The following SPATA22 variants were observed in gnomAD, a reference collection of about 807,000 sequenced individuals.
The protein encoded by SPATA22 is spermatogenesis-associated protein 22.
SPATA22 carries 29 observed loss-of-function variants against 47.8 expected under a neutral mutation model. That is an observed-to-expected ratio of 0.61 (90% CI 0.45 to 0.83). The LOEUF (loss-of-function observed/expected upper bound fraction) is 0.83. Ranked by LOEUF, SPATA22 falls within the 40% of genes least tolerant of loss-of-function variation. SPATA22 has a pLI of 0.00. For missense variants in SPATA22, 410 were observed against 421.7 expected (o/e 0.97, Z 0.24); for synonymous variants, 133 against 140.9 (o/e 0.94, Z 0.40).
intron 5 of SPATA22, among the ~76,000 whole-genome samples, chr17:3,456,772 T>C (rs1372541585): frequency 6.6e-6 from 1 of 151,694 alleles, no homozygotes; most frequent in Non-Finnish European, 1.5e-5. Flanking sequence ...CCAATATCCT[T>C]GATGAACATT....
In SPATA22 at chr17:3,490,300, C is replaced by T. The variant is rs1211372543; in HGVS notation, c.-73-20902G>A. 6.6e-6 allele frequency among the ~76,000 whole-genome samples: 1 copy of T among 152,104 alleles called. No individual in the cohort carries two copies. Among genetic ancestry groups the T allele is most frequent in the Non-Finnish European group, 1.5e-5 (1 of 68,030 alleles). ...GTGGACAAGGTGGGTATATGCAGCT[C>T]TATGCACTATCTGCTCATTTATTTG... is the stretch of plus-strand genomic sequence containing the variant. On this transcript the variant is annotated intron_variant, in intron 1 of 8. Coordinates refer to the SPATA22 transcript ENST00000541913. This position sits in a 1 kb window ranked among gnomAD's most constrained non-coding sequence, Gnocchi z 4.6.
intron 5 of SPATA22, among the ~76,000 whole-genome samples, chr17:3,458,798 A>G (rs8075351): frequency 0.03 from 3,995 of 132,906 alleles, 183 homozygotes; most frequent in African/African-American, 0.1. Context: ...CCAAGACCAC[A>G]CCATTGCACT....
At chr17:3,487,163 TC>T (rs1272593073) in intron 1 of SPATA22, among the ~76,000 whole-genome samples, 2 of 152,088 alleles carry the variant, frequency 1.3e-5, no homozygotes, top group Non-Finnish European at 2.9e-5. Flanking sequence ...CATTTCTTCT[TC>T]CTTGAGAACA....
At chr17:3,440,459 G>A in intron 8 of SPATA22, 121 bp from the exon 9 acceptor site, 1 of 768,832 alleles carries the variant, frequency 1.3e-6, no homozygotes, top group Non-Finnish European at 2.0e-6. Context: ...TCCTTCACGT[G>A]AGTCAGGGCC....
At chr17:3,505,932 A>AT (rs1375568610) in intron 1 of SPATA22, among the ~76,000 whole-genome samples, 12 of 151,756 alleles carry the variant, frequency 7.9e-5, no homozygotes, top group African/African-American at 2.9e-4. Context: ...TAATTTTTAT[A>AT]TTTTTAGTAG....
At chr17:3,500,184 GAAAGAAGACAGC>G in intron 1 of SPATA22, 1 of 152,258 alleles carries the variant, frequency 6.6e-6, no homozygotes, top group Non-Finnish European at 1.5e-5. Flanking sequence ...AAGGTTTAAG[GAAAGAAGACAGC>G]TCTAAAACCT....
chr17:3,454,474 A>G (rs1597394883), intron 5 of SPATA22, among the ~76,000 whole-genome samples: 2 of 147,588 alleles, frequency 1.4e-5, no homozygotes, highest in African/African-American at 5.0e-5. Context: ...AACAGTCCCC[A>G]GAGTGTGATG....
intron 5 of SPATA22, among the ~76,000 whole-genome samples, chr17:3,462,129 A>G (rs535829159): frequency 1.3e-5 from 2 of 152,342 alleles, no homozygotes; most frequent in South Asian, 4.1e-4. Flanking sequence ...CTCAAGTCCT[A>G]AATATAATCA....
At chr17:3,474,786 T>C (rs1170032558), upstream of SPATA22, among the ~76,000 whole-genome samples, 3 of 152,226 alleles carry the variant, frequency 2.0e-5, no homozygotes, top group Admixed American at 6.5e-5. Context: ...TGGCTGTTTA[T>C]GTGAATTCTG....
chr17:3,496,379 A>G (rs1191104483), intron 1 of SPATA22, among the ~76,000 whole-genome samples: 1 of 152,208 alleles, frequency 6.6e-6, no homozygotes, highest in African/African-American at 2.4e-5. Flanking sequence ...AGCAGAGGGT[A>G]TAACAAAGGG....
At chr17:3,465,240 G>A (rs1200114075) in intron 3 of SPATA22, among the ~76,000 whole-genome samples, 1 of 110,268 alleles carries the variant, frequency 9.1e-6, no homozygotes, top group Admixed American at 8.7e-5. Flanking sequence ...GGGAAGTGAG[G>A]AGCCCCTCTG....
chr17:3,499,169 T>C (rs2073961028), intron 1 of SPATA22: 14 of 1,463,444 alleles, frequency 9.6e-6, no homozygotes, highest in Non-Finnish European at 1.2e-5. Context: ...GGGTTGTGCC[T>C]TATTCAACTG....
At chr17:3,456,196 T>C (rs1262446505) in intron 5 of SPATA22, among the ~76,000 whole-genome samples, 2 of 151,640 alleles carry the variant, frequency 1.3e-5, no homozygotes, top group African/African-American at 2.4e-5. Context: ...GTAACTAAAA[T>C]CAGAGCAGAA....
At chr17:3,475,508 T>C (rs554623065), upstream of SPATA22, 1 of 152,504 alleles carries the variant, frequency 6.6e-6, no homozygotes, top group Non-Finnish European at 1.5e-5. Context: ...AGGGTAGCTT[T>C]TCGAGTCCCA....
At chr17:3,479,618 GC>G (rs1484779108) in intron 1 of SPATA22, among the ~76,000 whole-genome samples, 1 of 151,862 alleles carries the variant, frequency 6.6e-6, no homozygotes, top group Non-Finnish European at 1.5e-5. Context: ...TCTCAACGTG[GC>G]CCTTTCCACC....
intron 5 of SPATA22, among the ~76,000 whole-genome samples, chr17:3,457,132 T>C (rs1252662851): frequency 4.6e-5 from 7 of 151,996 alleles, no homozygotes; most frequent in Non-Finnish European, 8.8e-5. Context: ...CCTTTGAAAA[T>C]GGGCACAAGA....
At position 3,446,507 on chromosome 17, in the gene SPATA22, T is replaced by A; in HGVS notation, c.767A>T (p.His256Leu). 1.2e-6 allele frequency: 2 copies of A among 1,607,488 alleles called. No individual in the cohort carries two copies. Among genetic ancestry groups the A allele is most frequent in the Non-Finnish European group, 1.7e-6 (2 of 1,177,856 alleles). ...VIESMKYWRE[H>L]AQKTVLLFEV... is the part of the protein sequence containing the mutation. ...AAAAAGAAGTACAGTTTTCTGTGCATGTTCACGCCAATACTTCATGCTTTC... is the reference window on the plus strand; with the variant it reads ...AAAAAGAAGTACAGTTTTCTGTGCAAGTTCACGCCAATACTTCATGCTTTC... Residue 256 changes from histidine (H) to leucine (L), a missense_variant, in exon 7 of 9, where the codon CAT becomes CTT. Coordinates refer to ENST00000572969, the MANE Select transcript of SPATA22 (RefSeq NM_001170698.2).
intron 1 of SPATA22, chr17:3,501,411 T>C (rs758834001): frequency 6.6e-6 from 1 of 152,302 alleles, no homozygotes. Flanking sequence ...AAGGAAGTCA[T>C]GCAGATGTAC....
Position 3,449,129 on chromosome 17 carries a change from T to C in SPATA22, c.350A>G (p.Asn117Ser), listed in dbSNP as rs763532295. ...TTTATTCCAAGTTTTCAAGCTGGTA[T>C]TTTTGTTACCATCTCTGTAGCTGTA... ...GGWSYRDGNK[N>S]TSLKTWNKND... The change falls in exon 6 of 9, where the codon AAT becomes AGT. Residue 117 changes from asparagine (N) to serine (S), a missense_variant. Transcript: ENST00000572969. 3 of 1,606,724 alleles carry C rather than the reference T, an allele frequency of 1.9e-6. No individual in the cohort carries two copies. The highest frequency in any genetic ancestry group is 2.5e-6 in the Non-Finnish European group (3 of 1,177,288).
Sources: allele counts gnomAD v4.1 joint callset (sites outside exome capture counted in the v4.1 genomes callset), GRCh38; gene constraint gnomAD v4.1.1; non-coding constraint Gnocchi (gnomAD v3.1); transcripts MANE v1.5; gene names NCBI Gene and HGNC (gene_info 2026-07-23, HGNC 2026-07-21).